The following KCNK13 variants were observed in gnomAD, a reference collection of about 807,000 sequenced individuals.
KCNK13 encodes potassium channel subfamily K member 13.
Under a neutral mutation model 23.4 loss-of-function variants are expected in KCNK13, and 12 were observed. That is an observed-to-expected ratio of 0.51 (90% CI 0.33 to 0.83). The LOEUF (loss-of-function observed/expected upper bound fraction) is 0.83. Ranked by LOEUF, KCNK13 falls within the 40% of genes least tolerant of loss-of-function variation. The pLI is 0.02. For missense variants in KCNK13, 463 were observed against 556.3 expected (o/e 0.83, Z 1.69); for synonymous variants, 231 against 229.5 (o/e 1.01, Z -0.06).
chr14:90,112,460 C>T (rs1279037009), intron 1 of KCNK13, among the ~76,000 whole-genome samples: 3 of 152,022 alleles, frequency 2.0e-5, no homozygotes, highest in African/African-American at 7.3e-5. Flanking sequence ...CGTGGCTCAA[C>T]TAAAAACAAT....
At chr14:90,079,173 G>A (rs1390548578) in intron 1 of KCNK13, among the ~76,000 whole-genome samples, 2 of 152,222 alleles carry the variant, frequency 1.3e-5, no homozygotes, top group East Asian at 3.9e-4. Context: ...CTAGGTAGTA[G>A]GATGGAGGAA....
At chr14:90,110,336 AC>A (rs1889600321) in intron 1 of KCNK13, among the ~76,000 whole-genome samples, 1 of 151,746 alleles carries the variant, frequency 6.6e-6, no homozygotes, top group East Asian at 1.9e-4. Context: ...ACATGGTAAA[AC>A]CCCGTCTCTA....
At chr14:90,154,360 C>T (rs1890170625) in intron 1 of KCNK13, among the ~76,000 whole-genome samples, 1 of 151,782 alleles carries the variant, frequency 6.6e-6, no homozygotes, top group Non-Finnish European at 1.5e-5. Flanking sequence ...AATGCCTGCT[C>T]TCTTAACACA....
intron 1 of KCNK13, among the ~76,000 whole-genome samples, chr14:90,107,212 G>T (rs544184256): frequency 6.6e-6 from 1 of 152,076 alleles, no homozygotes; most frequent in Non-Finnish European, 1.5e-5. Flanking sequence ...GGGCATGGTG[G>T]CTCATGCCTG....
intron 1 of KCNK13, among the ~76,000 whole-genome samples, chr14:90,075,953 A>AC (rs1889129904): frequency 6.6e-6 from 1 of 152,234 alleles, no homozygotes; most frequent in Admixed American, 6.5e-5. Context: ...TGAGAGAATG[A>AC]CTTTTCCTTT....
At chr14:90,170,598 G>T (rs1316490361) in intron 1 of KCNK13, among the ~76,000 whole-genome samples, 1 of 152,134 alleles carries the variant, frequency 6.6e-6, no homozygotes, top group Non-Finnish European at 1.5e-5. Context: ...AGATGATTTT[G>T]AGGGCTTCAA....
At position 90,184,404 on chromosome 14, in the gene KCNK13, T is replaced by C; in HGVS notation, c.628T>C (p.Cys210Arg). 1 of 1,614,246 alleles carries C rather than the reference T, an allele frequency of 6.2e-7. No individual in the cohort carries two copies. Among genetic ancestry groups the C allele is most frequent in the Non-Finnish European group, 8.5e-7 (1 of 1,180,048 alleles). The change falls in exon 2 of 2, where the codon TGC becomes CGC. Residue 210 changes from cysteine to arginine, a missense_variant. Coordinates refer to ENST00000282146, the MANE Select transcript of KCNK13 (RefSeq NM_022054.4). This position sits in a 1 kb window ranked among gnomAD's most constrained non-coding sequence, Gnocchi z 5.6. Reference protein sequence around the residue: ...ILCTASILISCCASAMYTPIE... With the variant: ...ILCTASILISRCASAMYTPIE... ...ATGCACAGCCTCCATCCTCATCTCTTGCTGCGCCTCAGCCATGTACACCCC... is the reference window on the plus strand; with the variant it reads ...ATGCACAGCCTCCATCCTCATCTCTCGCTGCGCCTCAGCCATGTACACCCC...
chr14:90,122,190 A>G (rs1460171952), intron 1 of KCNK13, among the ~76,000 whole-genome samples: 3 of 152,088 alleles, frequency 2.0e-5, no homozygotes, highest in Non-Finnish European at 4.4e-5. Context: ...TCAGTTATAT[A>G]TAATGCTATA....
intron 1 of KCNK13, among the ~76,000 whole-genome samples, chr14:90,170,528 A>T (rs1463862934): frequency 6.6e-6 from 1 of 152,082 alleles, no homozygotes; most frequent in Non-Finnish European, 1.5e-5. Flanking sequence ...TCATTTTAAG[A>T]GATTTATTTG....
chr14:90,122,652 G>A (rs1472583010), intron 1 of KCNK13, among the ~76,000 whole-genome samples: 1 of 151,984 alleles, frequency 6.6e-6, no homozygotes, highest in Non-Finnish European at 1.5e-5. Flanking sequence ...GTGTGAAATT[G>A]TTGAGTTTTG....
chr14:90,174,609 T>C (rs1890402643), intron 1 of KCNK13, among the ~76,000 whole-genome samples: 1 of 152,114 alleles, frequency 6.6e-6, no homozygotes, highest in Non-Finnish European at 1.5e-5. Flanking sequence ...CCCAACAGTT[T>C]GGGATGCCAA....
At chr14:90,101,789 C>CAAAAA (rs1889480762) in intron 1 of KCNK13, among the ~76,000 whole-genome samples, 1 of 15,480 alleles carries the variant, frequency 6.5e-5, no homozygotes, top group African/African-American at 2.3e-4. Flanking sequence ...GACTCCGTCT[C>CAAAAA]CAAAAAAAAA....
chr14:90,118,301 A>G (rs916479367), intron 1 of KCNK13, among the ~76,000 whole-genome samples: 2 of 152,196 alleles, frequency 1.3e-5, no homozygotes, highest in Admixed American at 6.5e-5. Flanking sequence ...CAACCCAGGC[A>G]TCTCTGGATC....
In KCNK13 at chr14:90,184,735, G is replaced by T. The variant is rs150186575; in HGVS notation, c.959G>T (p.Arg320Leu). Residue 320 changes from arginine to leucine, a missense_variant, in exon 2 of 2, where the codon CGG becomes CTG. Coordinates refer to ENST00000282146, the MANE Select transcript of KCNK13 (RefSeq NM_022054.4). This position sits in a 1 kb window ranked among gnomAD's most constrained non-coding sequence, Gnocchi z 5.6. ...RRNVVMPGSV[R>L]NRCNISIETD... ...AACGTGGTGATGCCAGGCAGCGTCCGGAACCGCTGCAACATCTCCATAGAG... is the reference window on the plus strand; with the variant it reads ...AACGTGGTGATGCCAGGCAGCGTCCTGAACCGCTGCAACATCTCCATAGAG... 6.2e-6 allele frequency: 10 copies of T among 1,614,156 alleles called. No individual in the cohort carries two copies. In the East Asian group the frequency reaches 2.2e-4, roughly 36 times the overall value.
intron 1 of KCNK13, among the ~76,000 whole-genome samples, chr14:90,075,456 C>G (rs2140391572): frequency 6.6e-6 from 1 of 152,210 alleles, no homozygotes; most frequent in Middle Eastern, 3.4e-3. Flanking sequence ...AGCCCATGAC[C>G]TCTTTAACCT....
At chr14:90,090,668 C>T (rs543183278) in intron 1 of KCNK13, among the ~76,000 whole-genome samples, 2 of 152,160 alleles carry the variant, frequency 1.3e-5, no homozygotes, top group South Asian at 2.1e-4. Context: ...AATCTCATCT[C>T]GAATTGTAAC....
At chr14:90,107,338 C>T (rs111543539) in intron 1 of KCNK13, among the ~76,000 whole-genome samples, 2,420 of 152,028 alleles carry the variant, frequency 0.016, 62 homozygotes, top group African/African-American at 0.055. Context: ...ATTAGCCAGG[C>T]GTGGTGGCGG....
At chr14:90,109,988 G>A (rs1050199189) in intron 1 of KCNK13, among the ~76,000 whole-genome samples, 1 of 152,118 alleles carries the variant, frequency 6.6e-6, no homozygotes, top group African/African-American at 2.4e-5. Context: ...GATTATAGGC[G>A]TGAACCACCT....
chr14:90,075,419 C>G (rs1199755591), intron 1 of KCNK13, among the ~76,000 whole-genome samples: 6 of 152,100 alleles, frequency 3.9e-5, no homozygotes, highest in Non-Finnish European at 7.3e-5. Context: ...TGGAATCTAC[C>G]TTGTATCATC....
Sources: allele counts gnomAD v4.1 joint callset (sites outside exome capture counted in the v4.1 genomes callset), GRCh38; gene constraint gnomAD v4.1.1; non-coding constraint Gnocchi (gnomAD v3.1); transcripts MANE v1.5; gene names NCBI Gene and HGNC (gene_info 2026-07-23, HGNC 2026-07-21).